The following IL1A variants were observed in gnomAD, a reference collection of about 807,000 sequenced individuals.
IL1A encodes interleukin 1 alpha, also known as interleukin-1 alpha.
In IL1A, 16 loss-of-function variants were observed where a neutral mutation model predicts 22.2. That is an observed-to-expected ratio of 0.72 (90% CI 0.49 to 1.09). The LOEUF (loss-of-function observed/expected upper bound fraction) is 1.09. Among genes scored for constraint, IL1A ranks in the 50% least tolerant of loss-of-function variants. The probability of loss-of-function intolerance (pLI) is 0.00; values close to 1 mark genes in which losing one functional copy is unlikely to be tolerated. For synonymous variants in IL1A, 113 were observed against 118.5 expected, an observed-to-expected ratio of 0.95 and a Z score of 0.30; for missense variants, 317 against 321.8, an observed-to-expected ratio of 0.99 and a Z score of 0.11.
At chr2:112,775,387 G>C in intron 6 of IL1A, 120 bp from the exon 7 acceptor site, 1 of 695,810 alleles carries the variant, frequency 1.4e-6, no homozygotes, top group East Asian at 2.6e-5. Flanking sequence ...GCTGTAACAT[G>C]ATGCTATAGG....
intron 4 of IL1A, among the ~76,000 whole-genome samples, chr2:112,780,668 G>A (rs1681180379): frequency 3.3e-5 from 5 of 152,292 alleles, no homozygotes; most frequent in Admixed American, 3.3e-4. Context: ...TTCTTGTGAG[G>A]TTTAGACATA....
chr2:112,782,678 G>A, intron 3 of IL1A, 38 bp downstream of exon 3: 2 of 1,445,178 alleles, frequency 1.4e-6, no homozygotes, highest in Non-Finnish European at 1.9e-6. Context: ...CACTGTGTAA[G>A]AATAGCAGTC....
intron 3 of IL1A, among the ~76,000 whole-genome samples, chr2:112,782,353 C>T (rs1016298407): frequency 3.3e-5 from 5 of 152,206 alleles, no homozygotes; most frequent in Admixed American, 6.5e-5. Flanking sequence ...CTTTCTCTAA[C>T]CTCTGATGCT....
chr2:112,783,182 T>C (rs1681244627), intron 2 of IL1A, among the ~76,000 whole-genome samples: 1 of 152,276 alleles, frequency 6.6e-6, no homozygotes, highest in Admixed American at 6.5e-5. Context: ...CTTAGTAAAA[T>C]ATCCAGGCAA....
chr2:112,774,951 T>C lies in IL1A; in HGVS notation c.*116A>G. 1.4e-6 allele frequency: 1 copy of C among 728,560 alleles called. No homozygotes were observed. 45.1% of individuals were successfully genotyped at this position (728,560 alleles called of 1,614,324 possible). ...AAGAGTGTAAACATTCATTTAGAAT[T>C]ACAAGGCTCAGTACATGCTCAGCAA... is the stretch of plus-strand genomic sequence containing the variant. On this transcript the variant is annotated 3_prime_UTR_variant, in exon 7 of 7. Coordinates refer to ENST00000263339, the MANE Select transcript of IL1A (RefSeq NM_000575.5).
At chr2:112,775,301 C>G (rs913615593) in intron 6 of IL1A, 34 bp from the exon 7 acceptor site, 1 of 1,574,054 alleles carries the variant, frequency 6.4e-7, no homozygotes, top group South Asian at 1.1e-5. Context: ...TGTTAGAGAA[C>G]AAGATGGTAG....
chr2:112,779,058 T>C (rs41294734), intron 5 of IL1A, among the ~76,000 whole-genome samples: 1,670 of 152,350 alleles, frequency 0.011, 14 homozygotes, highest in Non-Finnish European at 0.016. Context: ...TTATCAGAGA[T>C]AATAAAGATC....
chr2:112,784,140 T>A (rs1352815671), intron 1 of IL1A, among the ~76,000 whole-genome samples: 1 of 152,206 alleles, frequency 6.6e-6, no homozygotes, highest in African/African-American at 2.4e-5. Context: ...AATTTTCAAT[T>A]TTCTCCTAAT....
intron 5 of IL1A, among the ~76,000 whole-genome samples, chr2:112,778,502 T>C (rs555477190): frequency 1.1e-4 from 16 of 152,320 alleles, no homozygotes; most frequent in South Asian, 2.1e-4. Context: ...GATACACTCA[T>C]ATGTTGCTAG....
At chr2:112,779,715 A>G (rs990460189) in intron 4 of IL1A, 49 bp from the exon 5 acceptor site, 1 of 1,409,298 alleles carries the variant, frequency 7.1e-7, no homozygotes, top group Non-Finnish European at 9.9e-7. Context: ...ACAAACACAG[A>G]TGATATACAC....
At chr2:112,778,436 G>T (rs546881644) in intron 5 of IL1A, among the ~76,000 whole-genome samples, 2 of 152,164 alleles carry the variant, frequency 1.3e-5, no homozygotes, top group Non-Finnish European at 2.9e-5. Context: ...ATAAGACCCT[G>T]TAATTTGTTA....
In IL1A at chr2:112,774,049, A is replaced by G. The variant is rs1396187406; in HGVS notation, c.*1018T>C. On this transcript the variant is annotated 3_prime_UTR_variant, in exon 7 of 7. Coordinates refer to ENST00000263339, the MANE Select transcript of IL1A (RefSeq NM_000575.5). ...CTAGAAGAAACATTGATTACATTCC[A>G]GAAAAGAAAGTTTTGATAACAGTGG... The G allele has an allele frequency of 6.6e-6, 1 of 152,354 alleles. No homozygotes were observed. The highest frequency in any genetic ancestry group is 1.9e-4 in the East Asian group (1 of 5,186). 9.4% of individuals were successfully genotyped at this position (152,354 alleles called of 1,614,324 possible). A position where few individuals can be genotyped will look rare whatever the true frequency, so the allele number is the denominator to read the frequency against.
chr2:112,775,327 T>C (rs922321806), intron 6 of IL1A, 60 bp from the exon 7 acceptor site: 1 of 1,378,254 alleles, frequency 7.3e-7, no homozygotes, highest in Non-Finnish European at 1.0e-6. Context: ...GGACTGAAGC[T>C]CAATCCCTTA....
intron 2 of IL1A, among the ~76,000 whole-genome samples, chr2:112,783,273 A>G (rs973586347): frequency 6.6e-6 from 1 of 152,180 alleles, no homozygotes; most frequent in African/African-American, 2.4e-5. Flanking sequence ...CCGTAATTTT[A>G]TCTTTGTGTT....
At chr2:112,778,193 GGTGTGTGTGTGTGTGT>G (rs3074430) in intron 5 of IL1A, 82 bp from the exon 6 acceptor site, 110 of 662,656 alleles carry the variant, frequency 1.7e-4, no homozygotes, top group Middle Eastern at 7.6e-4. Context: ...GTGTGTGCAT[GGTGTGTGTGTGTGTGT>G]GTGTGTGTGT....
chr2:112,777,127 T>C (rs1187016679), intron 6 of IL1A, among the ~76,000 whole-genome samples: 1 of 151,042 alleles, frequency 6.6e-6, no homozygotes, highest in Non-Finnish European at 1.5e-5. Context: ...TTTTGCAGCA[T>C]CTTGCTCTTT....
At chr2:112,780,002 T>C (rs3783539) in intron 4 of IL1A, among the ~76,000 whole-genome samples, 110,690 of 151,738 alleles carry the variant, frequency 0.73, 41,904 homozygotes, top group African/African-American at 0.91. Context: ...TGTTTTCAAA[T>C]GAATGCACTC....
At position 112,777,005 on chromosome 2, in the gene IL1A, G is replaced by A. The variant is rs929567633; in HGVS notation, c.615+982C>T. 9.5e-5 allele frequency among the ~76,000 whole-genome samples: 14 copies of A among 148,030 alleles called. No homozygotes were observed. The East Asian group carries it at 2.4e-3, about 25-fold the overall frequency. The stretch of plus-strand genomic sequence containing the variant: ...ACCCAAAAACCCACAACCATGACCC[G>A]CCCCCTCCTGTCGGCAGCTCTCATC... On this transcript the variant is annotated intron_variant, in intron 6 of 6. Transcript: ENST00000263339.
chr2:112,781,497 G>T lies in IL1A; in HGVS notation c.319+107C>A, dbSNP rs1342049028. The stretch of plus-strand genomic sequence containing the variant: ...TGTATAGTTACCAGACTAATGCTTG[G>T]TTGTCTTCTTGTTATTCTGACTCCA... On this transcript the variant is annotated intron_variant, in intron 4 of 6. Transcript: ENST00000263339. 3 of 879,912 alleles carry T rather than the reference G, an allele frequency of 3.4e-6. No homozygotes were observed. The African/African-American group carries it at 5.0e-5, about 15-fold the overall frequency. The allele number at this position is 879,912 out of a possible 1,614,324, so 54.5% of individuals were successfully genotyped here. A position where few individuals can be genotyped will look rare whatever the true frequency, so the allele number is the denominator to read the frequency against.
Sources: allele counts gnomAD v4.1 joint callset (sites outside exome capture counted in the v4.1 genomes callset), GRCh38; gene constraint gnomAD v4.1.1; transcripts MANE v1.5; gene names NCBI Gene and HGNC (gene_info 2026-07-23, HGNC 2026-07-21).